The following C2 variants were observed in gnomAD, a reference collection of about 807,000 sequenced individuals.
C2 encodes the protein complement C2.
In C2, 64 loss-of-function variants were observed where a neutral mutation model predicts 85.2. The ratio of observed to expected loss-of-function variants is 0.75; its 90% CI spans 0.61 to 0.92. The LOEUF is 0.92. Among genes scored for constraint, C2 ranks in the 40% least tolerant of loss-of-function variants. The pLI is 0.00. For missense variants in C2, 820 were observed against 971.6 expected, an observed-to-expected ratio of 0.84 and a Z score of 2.07; for synonymous variants, 311 against 370.8, an observed-to-expected ratio of 0.84 and a Z score of 1.85.
chr6:31,934,040 C>A, intron 5 of C2, 75 bp downstream of exon 5: 1 of 1,553,558 alleles, frequency 6.4e-7, no homozygotes. Context: ...ATGCAACCTT[C>A]CTGGAGGCCA....
chr6:31,930,473 C>T (rs991952328), intron 3 of C2, among the ~76,000 whole-genome samples: 5 of 152,226 alleles, frequency 3.3e-5, no homozygotes, highest in Admixed American at 3.3e-4. Context: ...ACCTCAGCCT[C>T]CTCAGTAGCT....
chr6:31,934,134 G>A (rs1381710506), intron 5 of C2, 32 bp from the exon 6 acceptor site: 1 of 1,612,850 alleles, frequency 6.2e-7, no homozygotes, highest in Non-Finnish European at 8.5e-7. Context: ...AGGAGGTGGG[G>A]ATCTGAATCC....
chr6:31,938,274 G>C (rs1193107012), intron 8 of C2, among the ~76,000 whole-genome samples: 1 of 151,918 alleles, frequency 6.6e-6, no homozygotes, highest in Non-Finnish European at 1.5e-5. Context: ...ATCTGGCCTT[G>C]TCATTTGCCT....
chr6:31,934,995 CA>C, intron 6 of C2: 1 of 721,142 alleles, frequency 1.4e-6, no homozygotes, highest in Non-Finnish European at 1.7e-6. Flanking sequence ...GCAACTAGAG[CA>C]AAACTCTGTC....
Position 31,943,125 on chromosome 6 carries a change from G to A in C2, c.1360+26G>A. The A allele has an allele frequency of 6.2e-7, 1 of 1,612,940 alleles. No individual in the cohort carries two copies. Among genetic ancestry groups the A allele is most frequent in the Non-Finnish European group, 8.5e-7 (1 of 1,179,936 alleles). ...GTGAGTGAGCTTTGCCCTCCTTGGT[G>A]TGGGGAGGATGGTGAGGAGCCCGCC... On this transcript the variant is annotated intron_variant, in intron 10 of 17. Transcript: ENST00000299367. The surrounding 1 kb of genome is among the most constrained non-coding windows in gnomAD (Gnocchi z 6.4).
chr6:31,908,506 A>T (rs1156330439), intron 1 of C2, among the ~76,000 whole-genome samples: 1 of 151,386 alleles, frequency 6.6e-6, no homozygotes, highest in Non-Finnish European at 1.5e-5. Flanking sequence ...CACAAAAATT[A>T]GCTGGGTGTG....
intron 6 of C2, chr6:31,934,676 A>C: frequency 1.6e-6 from 2 of 1,261,556 alleles, no homozygotes; most frequent in Non-Finnish European, 2.0e-6. Flanking sequence ...ATATTTAATA[A>C]TTTCCTTTTA....
upstream of C2, chr6:31,900,379 G>T: frequency 6.5e-7 from 1 of 1,541,788 alleles, no homozygotes. The surrounding 1 kb of genome is among the most constrained non-coding windows in gnomAD (Gnocchi z 9.7). Context: ...CCCCCAGGCT[G>T]CCCCCCGCCC....
intron 9 of C2, among the ~76,000 whole-genome samples, chr6:31,939,615 C>T (rs1018213098): frequency 1.3e-5 from 2 of 149,734 alleles, no homozygotes; most frequent in Non-Finnish European, 3.0e-5. Flanking sequence ...CAGAAAGTAA[C>T]GATGTCCACC....
intron 2 of C2, 125 bp from the exon 3 acceptor site, chr6:31,928,607 A>G: frequency 1.1e-6 from 1 of 921,858 alleles, no homozygotes; most frequent in Non-Finnish European, 1.7e-6. Context: ...GCAACCTAAT[A>G]TTTCAGTGTT....
intron 1 of C2, among the ~76,000 whole-genome samples, chr6:31,907,846 T>TTG (rs1164287230): frequency 8.0e-5 from 11 of 138,002 alleles, no homozygotes; most frequent in Non-Finnish European, 1.2e-4. Context: ...TCTGGCTTTT[T>TTG]TTTTTTTTTT....
At chr6:31,933,514 G>C in intron 3 of C2, 96 bp from the exon 4 acceptor site, 6 of 1,353,526 alleles carry the variant, frequency 4.4e-6, no homozygotes, top group Non-Finnish European at 6.2e-6. Context: ...CCCTGGGTTG[G>C]AACTGGGAAG....
Position 31,943,410 on chromosome 6 carries a change from C to T in C2, c.1456-6C>T. ...CAATCTCTGAAAATCACCTGTTCCCCTGCAGCCCAAGAGCCAAGAGACCTG... is the reference window on the plus strand; with the variant it reads ...CAATCTCTGAAAATCACCTGTTCCCTTGCAGCCCAAGAGCCAAGAGACCTG... On this transcript the variant is annotated splice_region_variant and splice_polypyrimidine_tract_variant and intron_variant, in intron 11 of 17. Transcript: ENST00000299367. The surrounding 1 kb of genome is among the most constrained non-coding windows in gnomAD (Gnocchi z 6.4). 1 of 1,612,716 alleles carries T rather than the reference C, an allele frequency of 6.2e-7. No homozygotes were observed. The highest frequency in any genetic ancestry group is 8.5e-7 in the Non-Finnish European group (1 of 1,179,686).
intron 1 of C2, among the ~76,000 whole-genome samples, chr6:31,911,355 T>C: frequency 6.6e-6 from 1 of 151,476 alleles, no homozygotes; most frequent in Non-Finnish European, 1.5e-5. Flanking sequence ...ATGAAGGGAA[T>C]GGTTAAAAAG....
chr6:31,931,896 A>AC (rs1258660468), intron 3 of C2, among the ~76,000 whole-genome samples: 35 of 123,664 alleles, frequency 2.8e-4, no homozygotes, highest in Non-Finnish European at 2.6e-4. Context: ...CGGGGGGCTG[A>AC]CCCCCCCACC....
chr6:31,936,932 C>T (rs561080660), intron 7 of C2: 25 of 215,588 alleles, frequency 1.2e-4, no homozygotes, highest in South Asian at 4.8e-4. Flanking sequence ...ATTTCCAGGC[C>T]GGGTGCAGTG....
rs2151773055 is a variant in C2, at chr6:31,943,950, T to C, written c.1767T>C (p.Asn589=). 6.2e-7 allele frequency: 1 copy of C among 1,612,950 alleles called. No homozygotes were observed. Among genetic ancestry groups the C allele is most frequent in the Admixed American group, 1.7e-5 (1 of 60,024 alleles). ...PICLPCTMEA[N]LALRRPQGST... is the part of the protein sequence containing the mutation. Reference sequence around the variant, plus strand: ...GCCTTCCCTGCACGATGGAGGCCAATCTGGCTCTGCGGAGACCTCAAGGCA... The same window carrying C: ...GCCTTCCCTGCACGATGGAGGCCAACCTGGCTCTGCGGAGACCTCAAGGCA... The change falls in exon 14 of 18, where the codon AAT becomes AAC. Residue 589 remains asparagine, a synonymous_variant. Coordinates refer to ENST00000299367, the MANE Select transcript of C2 (RefSeq NM_000063.6). This position sits in a 1 kb window ranked among gnomAD's most constrained non-coding sequence, Gnocchi z 6.4.
Position 31,929,575 on chromosome 6 carries a change from C to T in C2, c.442+658C>T, listed in dbSNP as rs76322888. 3.3e-5 allele frequency among the ~76,000 whole-genome samples: 5 copies of T among 151,334 alleles called. No homozygotes were observed. In the East Asian group the frequency reaches 5.8e-4, roughly 18 times the overall value. On this transcript the variant is annotated intron_variant, in intron 3 of 17. Transcript: ENST00000299367. ...CTCTAGTAAAAATACAAAAATTAGC[C>T]GGGTGCGGTGGCGCATGCCTGTAAT... is the stretch of plus-strand genomic sequence containing the variant.
At chr6:31,941,334 G>C (rs1284746188) in intron 9 of C2, 2 of 152,092 alleles carry the variant, frequency 1.3e-5, no homozygotes, top group African/African-American at 4.8e-5. Context: ...TCCGGCTGCC[G>C]GCAGCTCCAA....
Sources: allele counts gnomAD v4.1 joint callset (sites outside exome capture counted in the v4.1 genomes callset), GRCh38; gene constraint gnomAD v4.1.1; non-coding constraint Gnocchi (gnomAD v3.1); transcripts MANE v1.5; gene names NCBI Gene and HGNC (gene_info 2026-07-23, HGNC 2026-07-21).